The following RUFY4 variants were observed in gnomAD, a reference collection of about 807,000 sequenced individuals.
RUFY4 encodes RUN and FYVE domain containing 4.
RUFY4 carries 73 observed loss-of-function variants against 69.0 expected under a neutral mutation model. That is an observed-to-expected ratio of 1.06 (90% CI 0.88 to 1.29). The LOEUF (loss-of-function observed/expected upper bound fraction) is 1.29. RUFY4 is among the 50% of genes most tolerant of loss of function. The pLI, the probability that RUFY4 is intolerant of heterozygous loss-of-function variation, is 0.00. For synonymous variants in RUFY4, 287 were observed against 271.8 expected (o/e 1.06, Z -0.55); for missense variants, 770 against 705.6 (o/e 1.09, Z -1.03).
chr2:218,056,578 T>A (rs1432430743), intron 2 of RUFY4, among the ~76,000 whole-genome samples: 2 of 152,176 alleles, frequency 1.3e-5, no homozygotes, highest in Non-Finnish European at 2.9e-5. Context: ...TTTCAGACAA[T>A]GATCTTGATC....
chr2:218,067,189 T>A (rs1314977006), upstream of RUFY4, among the ~76,000 whole-genome samples: 4 of 152,216 alleles, frequency 2.6e-5, no homozygotes, highest in African/African-American at 9.6e-5. Context: ...CCCTGGCTCA[T>A]AATGTCTCTA....
intron 2 of RUFY4, among the ~76,000 whole-genome samples, chr2:218,056,479 C>CGAA (rs1232952651): frequency 6.6e-6 from 1 of 152,138 alleles, no homozygotes; most frequent in Non-Finnish European, 1.5e-5. Flanking sequence ...GACTCTTGTA[C>CGAA]TTTCCCCTCA....
intron 2 of RUFY4, among the ~76,000 whole-genome samples, chr2:218,037,450 A>C (rs1958996975): frequency 6.6e-6 from 1 of 152,376 alleles, no homozygotes; most frequent in South Asian, 2.1e-4. Flanking sequence ...AAAGATAATC[A>C]AAGTAAGACT....
At position 218,083,095 on chromosome 2, in the gene RUFY4, T is replaced by C; in HGVS notation, c.1356-15T>C. On this transcript the variant is annotated splice_polypyrimidine_tract_variant and intron_variant, in intron 8 of 10. Coordinates refer to ENST00000344321, the Ensembl canonical transcript of RUFY4. ...GCTTTGCCCCCTGAGAACCTAGTCT[T>C]CCTTCTGTACCCAGGTGTCAGGAAG... 3.7e-6 allele frequency: 6 copies of C among 1,612,066 alleles called. No individual in the cohort carries two copies. Among genetic ancestry groups the C allele is most frequent in the African/African-American group, 1.3e-5 (1 of 74,840 alleles).
At chr2:218,043,590 C>T (rs546018372) in intron 2 of RUFY4, among the ~76,000 whole-genome samples, 2 of 152,316 alleles carry the variant, frequency 1.3e-5, no homozygotes, top group South Asian at 4.1e-4. Context: ...AACTGGTCAT[C>T]CCCACATCTG....
At chr2:218,087,959 C>T (rs1389919797) in intron 9 of RUFY4, among the ~76,000 whole-genome samples, 1 of 151,892 alleles carries the variant, frequency 6.6e-6, no homozygotes, top group Admixed American at 6.6e-5. Context: ...AGGAGGAGCT[C>T]TATAGAGAAT....
intron 3 of RUFY4, 101 bp downstream of exon 5, chr2:218,072,600 G>A: frequency 1.4e-6 from 2 of 1,459,864 alleles, no homozygotes; most frequent in Non-Finnish European, 9.1e-7. Flanking sequence ...CCCCTCACCT[G>A]CTCTGCATGT....
chr2:218,071,403 T>C (rs749661842), intron 2 of RUFY4, among the ~76,000 whole-genome samples: 1 of 152,154 alleles, frequency 6.6e-6, no homozygotes, highest in Non-Finnish European at 1.5e-5. Flanking sequence ...AGCACACCAG[T>C]CATGCTCCTG....
chr2:218,039,659 C>A (rs749195882), intron 2 of RUFY4, among the ~76,000 whole-genome samples: 1 of 152,166 alleles, frequency 6.6e-6, no homozygotes, highest in Non-Finnish European at 1.5e-5. Context: ...CCAGAGAAGC[C>A]GTTCTCCATT....
chr2:218,038,388 T>A (rs1267583440), intron 2 of RUFY4, among the ~76,000 whole-genome samples: 1 of 152,250 alleles, frequency 6.6e-6, no homozygotes, highest in Non-Finnish European at 1.5e-5. Context: ...TAGACAGAGC[T>A]GAGTTTGCTT....
chr2:218,036,790 T>C (rs368640274), intron 2 of RUFY4, among the ~76,000 whole-genome samples: 3 of 152,262 alleles, frequency 2.0e-5, no homozygotes, highest in Non-Finnish European at 2.9e-5. Context: ...CATCAACTTC[T>C]CACTCTGGTT....
chr2:218,077,466 A>C (rs1194736834), intron 8 of RUFY4, among the ~76,000 whole-genome samples: 1 of 152,176 alleles, frequency 6.6e-6, no homozygotes, highest in Non-Finnish European at 1.5e-5. Flanking sequence ...AGCCTTCCAA[A>C]GTGCTAGGGT....
Position 218,047,411 on chromosome 2 carries a change from T to G in RUFY4, c.-1157-11184T>G, listed in dbSNP as rs189453087. Among the ~76,000 whole-genome samples, 303 of 152,306 alleles carry G rather than the reference T, an allele frequency of 2.0e-3. 1 individual carries two copies. The highest frequency in any genetic ancestry group is 3.4e-3 in the Non-Finnish European group (231 of 67,990). ...CTTTCTGTATCTATTCATTTTTTTTTGTCTTAGTCTTTTTCTCCTTTTTTA... is the reference window on the plus strand; with the variant it reads ...CTTTCTGTATCTATTCATTTTTTTTGGTCTTAGTCTTTTTCTCCTTTTTTA... On this transcript the variant is annotated intron_variant and NMD_transcript_variant, in intron 2 of 13. Transcript: ENST00000457754.
chr2:218,072,726 G>A (rs1188772011), intron 3 of RUFY4, 53 bp from the exon 6 acceptor site: 2 of 1,391,490 alleles, frequency 1.4e-6, no homozygotes, highest in Non-Finnish European at 1.9e-6. Context: ...TGTGTTACCT[G>A]GGCGCCCTTT....
chr2:218,075,486 A>C, exon 7 of RUFY4: 1 of 1,592,410 alleles, frequency 6.3e-7, no homozygotes, highest in Non-Finnish European at 8.6e-7. Flanking sequence ...AACAGAGGGG[A>C]CTCACAAAAA....
At chr2:218,085,953 T>C (rs1276609980) in intron 9 of RUFY4, among the ~76,000 whole-genome samples, 1 of 152,084 alleles carries the variant, frequency 6.6e-6, no homozygotes, top group Non-Finnish European at 1.5e-5. Flanking sequence ...TCCCCAGATA[T>C]TTGAGGAGAG....
chr2:218,054,948 G>A (rs1049723524), intron 2 of RUFY4, among the ~76,000 whole-genome samples: 4 of 152,094 alleles, frequency 2.6e-5, no homozygotes, highest in Non-Finnish European at 5.9e-5. Context: ...ATAAAATTCT[G>A]TTTCTTTATA....
At chr2:218,049,625 G>A (rs1282236203) in intron 2 of RUFY4, among the ~76,000 whole-genome samples, 2 of 151,858 alleles carry the variant, frequency 1.3e-5, no homozygotes, top group Admixed American at 1.3e-4. Flanking sequence ...TCCTGCCTCA[G>A]CCTCCCAAGT....
rs1369231592 is a variant in RUFY4 at position 218,089,330 on chromosome 2, C to T, written c.1581C>T (p.Ile527=). The T allele has an allele frequency of 3.7e-6, 6 of 1,613,934 alleles. No individual in the cohort carries two copies. The East Asian group carries it at 1.3e-4, about 36-fold the overall frequency. Residue 527 remains isoleucine, a synonymous_variant, in exon 10 of 11, where the codon ATC becomes ATT. Transcript: ENST00000344321. ...AGTGCTGTGTGGCCTGTAGCAAGAT[C>T]TTTGGCCGATTTTCTCGGCGGTATC...
Sources: gnomAD v4.1 joint callset for allele counts (sites outside exome capture counted in the v4.1 genomes callset) on GRCh38, gnomAD v4.1.1 for gene constraint, MANE v1.5 for transcripts, NCBI Gene and HGNC (gene_info 2026-07-23, HGNC 2026-07-21) for gene names.